USP14: variants seen among roughly 807,000 people sequenced by gnomAD.
The protein encoded by USP14 is ubiquitin carboxyl-terminal hydrolase 14.
Under a neutral mutation model 76.5 loss-of-function variants are expected in USP14, and 38 were observed. The observed-to-expected ratio is 0.50, with a 90% CI of 0.38 to 0.65. The LOEUF (loss-of-function observed/expected upper bound fraction) is 0.65. Among genes scored for constraint, USP14 ranks in the 30% least tolerant of loss-of-function variants. The pLI, the probability that USP14 is intolerant of heterozygous loss-of-function variation, is 0.00. For missense variants in USP14, 467 were observed against 586.5 expected (o/e 0.80, Z 2.10); for synonymous variants, 192 against 191.7 (o/e 1.00, Z -0.01).
Position 212,717 on chromosome 18 carries a change from AC to A in USP14, c.*1434del, listed in dbSNP as rs1308092879. 6.6e-6 allele frequency: 1 copy of A among 152,236 alleles called. No individual in the cohort carries two copies. The highest frequency in any genetic ancestry group is 6.5e-5 in the Admixed American group (1 of 15,286). 9.4% of individuals were successfully genotyped at this position (152,236 alleles called of 1,614,324 possible). A position where few individuals can be genotyped will look rare whatever the true frequency, so the allele number is the denominator to read the frequency against. On this transcript the variant is annotated 3_prime_UTR_variant, in exon 16 of 16. Transcript: ENST00000261601. The stretch of plus-strand genomic sequence containing the variant: ...GGTATTTCAATATGATAGGCTTCTT[AC>A]ATTTTAATAGTTACTCATCTTTGTT...
At chr18:204,828 G>A (rs1910485021) in intron 13 of USP14, 136 bp downstream of exon 13, 2 of 841,020 alleles carry the variant, frequency 2.4e-6, no homozygotes, top group Non-Finnish European at 3.5e-6. Flanking sequence ...GGATCAATCT[G>A]TATTACAATT....
chr18:179,346 C>G (rs1467541236), intron 4 of USP14, among the ~76,000 whole-genome samples: 3 of 151,738 alleles, frequency 2.0e-5, no homozygotes, highest in African/African-American at 7.3e-5. Context: ...AAATATGTTC[C>G]TGGCAGATAG....
Position 211,407 on chromosome 18 carries a change from A to T in USP14, c.*123A>T. 1 of 1,046,606 alleles carries T rather than the reference A, an allele frequency of 9.6e-7. No individual in the cohort carries two copies. The highest frequency in any genetic ancestry group is 1.3e-6 in the Non-Finnish European group (1 of 743,512). The allele number at this position is 1,046,606 out of a possible 1,614,324, so 64.8% of individuals were successfully genotyped here. ...TATGTTTCACCTCATTTGGAACAAA[A>T]GAGGACAGAAGCAGACCACTCTGTG... On this transcript the variant is annotated 3_prime_UTR_variant, in exon 16 of 16. Coordinates refer to ENST00000261601, the MANE Select transcript of USP14 (RefSeq NM_005151.4).
intron 2 of USP14, among the ~76,000 whole-genome samples, chr18:164,119 C>T (rs1416064798): frequency 1.3e-5 from 2 of 152,160 alleles, no homozygotes; most frequent in African/African-American, 2.4e-5. Flanking sequence ...GAGTGGAACA[C>T]TTTACAGTTA....
chr18:203,442 T>C (rs1009116215), intron 12 of USP14, among the ~76,000 whole-genome samples: 19 of 151,210 alleles, frequency 1.3e-4, no homozygotes, highest in Middle Eastern at 3.6e-3. Context: ...CGGTGGGGCC[T>C]AGGATATTAT....
intron 10 of USP14, 39 bp downstream of exon 10, chr18:199,355 T>G: frequency 6.8e-7 from 1 of 1,461,754 alleles, no homozygotes; most frequent in Non-Finnish European, 9.6e-7. Context: ...GTTTGTGAAT[T>G]CCATGTTTGC....
chr18:196,863 CAGTCTTCTCT>C, intron 7 of USP14, 96 bp downstream of exon 7: 2 of 1,470,402 alleles, frequency 1.4e-6, no homozygotes, highest in Non-Finnish European at 1.9e-6. Context: ...ATATAAACAT[CAGTCTTCTCT>C]AGTTCATGCC....
chr18:192,228 T>G (rs72856240), intron 5 of USP14, among the ~76,000 whole-genome samples: 31,987 of 140,892 alleles, frequency 0.23, 3,925 homozygotes, highest in South Asian at 0.36. Context: ...TTTTATTTTC[T>G]TTGTAATTAA....
chr18:204,205 A>G (rs921986539), intron 12 of USP14, among the ~76,000 whole-genome samples: 27 of 152,238 alleles, frequency 1.8e-4, no homozygotes, highest in African/African-American at 5.5e-4. Flanking sequence ...AAAAAAAAAA[A>G]ACCATAAGTT....
chr18:164,253 T>C (rs1191282300), intron 2 of USP14, among the ~76,000 whole-genome samples: 1 of 152,172 alleles, frequency 6.6e-6, no homozygotes, highest in African/African-American at 2.4e-5. Context: ...GTTGGAAAAT[T>C]TTATCTCAGT....
In USP14 at chr18:211,471, TTG is replaced by T. The variant is rs1910668501; in HGVS notation, c.*188_*189del. The T allele has an allele frequency of 1.2e-5, 6 of 518,912 alleles. No individual in the cohort carries two copies. The South Asian group carries it at 2.4e-4, about 21-fold the overall frequency. 32.1% of individuals were successfully genotyped at this position (518,912 alleles called of 1,614,324 possible). ...AATTACAGAGAAGAGAAAATTATCT[TTG>T]GATTGTGCTGCCCTATATAAAGGTG... is the stretch of plus-strand genomic sequence containing the variant. On this transcript the variant is annotated 3_prime_UTR_variant, in exon 16 of 16. Coordinates refer to ENST00000261601, the MANE Select transcript of USP14 (RefSeq NM_005151.4).
intron 13 of USP14, among the ~76,000 whole-genome samples, chr18:206,563 A>AT (rs369203116): frequency 4.1e-4 from 63 of 152,042 alleles, no homozygotes; most frequent in African/African-American, 1.5e-3. Flanking sequence ...AATCCAGTCT[A>AT]TTTTTTTCTT....
intron 1 of USP14, 133 bp downstream of exon 1, chr18:158,847 G>A: frequency 8.1e-7 from 1 of 1,240,444 alleles, no homozygotes; most frequent in East Asian, 3.3e-5. Flanking sequence ...CCGGCGGCGC[G>A]GAGATGACCC....
At chr18:193,510 CAG>C (rs1258255831) in intron 6 of USP14, among the ~76,000 whole-genome samples, 4 of 152,092 alleles carry the variant, frequency 2.6e-5, no homozygotes, top group Non-Finnish European at 4.4e-5. Context: ...AGTTTATCCA[CAG>C]AGTTGTGCAA....
chr18:199,338 C>G, intron 10 of USP14, 22 bp downstream of exon 10: 1 of 1,534,124 alleles, frequency 6.5e-7, no homozygotes, highest in Non-Finnish European at 9.0e-7. Flanking sequence ...CTCAGTCCAT[C>G]CTTGTTGTTT....
intron 13 of USP14, among the ~76,000 whole-genome samples, chr18:206,857 C>T (rs1395584036): frequency 5.3e-5 from 8 of 152,164 alleles, no homozygotes; most frequent in Non-Finnish European, 1.0e-4. Context: ...GCTGAGATCA[C>T]GCCACTGCCC....
In USP14 at chr18:209,951, A is replaced by C. The variant is rs753289375; in HGVS notation, c.1165-20A>C. ...ATTTCCAAAATCATGATTTAAAATT[A>C]AACATTTTTTTCTCCTCAGAGTGAC... On this transcript the variant is annotated intron_variant, in intron 13 of 15. Coordinates refer to ENST00000261601, the MANE Select transcript of USP14 (RefSeq NM_005151.4). 3 of 1,561,818 alleles carry C rather than the reference A, an allele frequency of 1.9e-6. No individual in the cohort carries two copies. The highest frequency in any genetic ancestry group is 2.6e-6 in the Non-Finnish European group (3 of 1,151,250).
At chr18:161,173 C>T (rs1270279589) in intron 1 of USP14, among the ~76,000 whole-genome samples, 1 of 152,222 alleles carries the variant, frequency 6.6e-6, no homozygotes, top group Non-Finnish European at 1.5e-5. Flanking sequence ...GGTGATCCAC[C>T]TGCCTTGGCC....
At chr18:181,457 G>T (rs1006193740) in intron 5 of USP14, among the ~76,000 whole-genome samples, 2 of 151,896 alleles carry the variant, frequency 1.3e-5, no homozygotes, top group Non-Finnish European at 2.9e-5. Context: ...TGTGCTTATT[G>T]GCCATTTGTA....
Sources: allele counts gnomAD v4.1 joint callset (sites outside exome capture counted in the v4.1 genomes callset), GRCh38; gene constraint gnomAD v4.1.1; transcripts MANE v1.5; gene names NCBI Gene and HGNC (gene_info 2026-07-23, HGNC 2026-07-21).